ANKDD1B: variants seen among roughly 807,000 people sequenced by gnomAD.
ANKDD1B encodes the protein ankyrin repeat and death domain-containing protein 1B.
Under a neutral mutation model 59.7 loss-of-function variants are expected in ANKDD1B, and 57 were observed. That is an observed-to-expected ratio of 0.95 (90% CI 0.77 to 1.19). The LOEUF (loss-of-function observed/expected upper bound fraction) is 1.19. ANKDD1B is among the 50% of genes most tolerant of loss of function. The pLI is 0.00. For synonymous variants in ANKDD1B, 216 were observed against 239.5 expected (o/e 0.90, Z 0.91); for missense variants, 602 against 641.9 (o/e 0.94, Z 0.67).
chr5:75,669,853 G>A (rs1346925673), intron 13 of ANKDD1B, among the ~76,000 whole-genome samples: 1 of 152,164 alleles, frequency 6.6e-6, no homozygotes, highest in African/African-American at 2.4e-5. Flanking sequence ...TGCCACCTGA[G>A]GTTATTGCTA....
intron 7 of ANKDD1B, among the ~76,000 whole-genome samples, chr5:75,648,241 TTAAAG>T (rs1220564919): frequency 4.2e-5 from 2 of 47,836 alleles, no homozygotes; most frequent in Non-Finnish European, 9.1e-5. Context: ...ACCCTAAAAC[TTAAAG>T]TATAATTAAA....
chr5:75,663,679 C>T (rs1442417435), intron 11 of ANKDD1B, among the ~76,000 whole-genome samples, 190 bp downstream of exon 11: 1 of 152,238 alleles, frequency 6.6e-6, no homozygotes, highest in Non-Finnish European at 1.5e-5. Flanking sequence ...CCTTTGTGGA[C>T]ATCAGACGTC....
intron 1 of ANKDD1B, among the ~76,000 whole-genome samples, chr5:75,614,183 G>A (rs1773652986): frequency 6.6e-6 from 1 of 152,130 alleles, no homozygotes. Context: ...ACTCATAGCA[G>A]TAGCAGTAGC....
At position 75,671,219 on chromosome 5, in the gene ANKDD1B, T is replaced by A; in HGVS notation, c.*179T>A. ...TTTTCAACCACTAAAAAGTCAAATA[T>A]AGTTTTTTTTGCTGAGGGCAAGTTG... is the stretch of plus-strand genomic sequence containing the variant. On this transcript the variant is annotated 3_prime_UTR_variant, in exon 14 of 14. Transcript: ENST00000601380. 1 of 373,238 alleles carries A rather than the reference T, an allele frequency of 2.7e-6. No homozygotes were observed. Among genetic ancestry groups the A allele is most frequent in the Non-Finnish European group, 4.7e-6 (1 of 210,576 alleles). The allele number at this position is 373,238 out of a possible 1,614,324, so 23.1% of individuals were successfully genotyped here.
At chr5:75,618,526 G>A (rs79300858) in intron 2 of ANKDD1B, among the ~76,000 whole-genome samples, 2,767 of 152,246 alleles carry the variant, frequency 0.018, 39 homozygotes, top group Non-Finnish European at 0.027. Context: ...ACTGTTTACA[G>A]CAAATTGTTG....
intron 3 of ANKDD1B, among the ~76,000 whole-genome samples, 172 bp downstream of exon 3, chr5:75,620,585 G>C (rs1050530208): frequency 6.6e-6 from 1 of 152,108 alleles, no homozygotes; most frequent in Admixed American, 6.5e-5. Flanking sequence ...CTTTGAATTT[G>C]GGGACTAAAT....
intron 7 of ANKDD1B, among the ~76,000 whole-genome samples, chr5:75,648,187 G>A (rs1402002951): frequency 8.9e-6 from 1 of 111,820 alleles, no homozygotes; most frequent in African/African-American, 3.9e-5. Context: ...CACCAGCATG[G>A]CACATGTATA....
chr5:75,667,568 A>G (rs1215082735), intron 12 of ANKDD1B, among the ~76,000 whole-genome samples: 4 of 152,184 alleles, frequency 2.6e-5, no homozygotes, highest in Non-Finnish European at 4.4e-5. Context: ...AGATGATTCC[A>G]AGCAATGGAA....
chr5:75,647,361 G>A lies in ANKDD1B; in HGVS notation c.799-5781G>A, dbSNP rs1272105686. On this transcript the variant is annotated intron_variant, in intron 7 of 13. Coordinates refer to ENST00000601380, the MANE Select transcript of ANKDD1B (RefSeq NM_001276713.2). ...TTTCACAACCTACTCATCTGACAAA[G>A]GGCTAATATCCAGAATCTACAATGA... Among the ~76,000 whole-genome samples the A allele has an allele frequency of 9.7e-5, 12 of 123,704 alleles. No homozygotes were observed. In the East Asian group the frequency reaches 2.5e-3, roughly 26 times the overall value. The allele number at this position is 123,704 out of a possible 152,430, so 81.2% of individuals were successfully genotyped here.
intron 5 of ANKDD1B, among the ~76,000 whole-genome samples, chr5:75,631,163 G>C (rs1279019085): frequency 6.6e-6 from 1 of 152,166 alleles, no homozygotes; most frequent in Non-Finnish European, 1.5e-5. Flanking sequence ...GCTGTTACTA[G>C]AAGAAAGGTA....
chr5:75,615,611 G>A (rs1434850251), intron 1 of ANKDD1B, among the ~76,000 whole-genome samples: 1 of 151,618 alleles, frequency 6.6e-6, no homozygotes, highest in African/African-American at 2.4e-5. Context: ...ATTCTTCTTA[G>A]GCCTCTCTCC....
rs760643287 is a variant in ANKDD1B at position 75,634,951 on chromosome 5, A to T, written c.654A>T (p.Ile218=). The T allele has an allele frequency of 1.4e-5, 22 of 1,535,828 alleles. No homozygotes were observed. The South Asian group carries it at 2.6e-4, about 18-fold the overall frequency. Residue 218 remains isoleucine (I), a synonymous_variant, in exon 6 of 14, where the codon ATA becomes ATT. Coordinates refer to ENST00000601380, the MANE Select transcript of ANKDD1B (RefSeq NM_001276713.2). The part of the protein sequence containing the change: ...LAAERGHVEM[I]EKLTFLNLHT... ...CTGAGAGGGGCCATGTTGAAATGATAGAAAAACTTACCTTCCTAAACCTGC... is the reference window on the plus strand; with the variant it reads ...CTGAGAGGGGCCATGTTGAAATGATTGAAAAACTTACCTTCCTAAACCTGC...
At chr5:75,642,488 A>C (rs1159097589) in intron 7 of ANKDD1B, among the ~76,000 whole-genome samples, 102 of 138,018 alleles carry the variant, frequency 7.4e-4, no homozygotes, top group African/African-American at 2.7e-3. Flanking sequence ...GGGGTGACGG[A>C]CGCACCTGGA....
At chr5:75,620,438 G>T (rs1773818016) in intron 3 of ANKDD1B, 25 bp downstream of exon 3, 2 of 1,317,884 alleles carry the variant, frequency 1.5e-6, no homozygotes, top group Non-Finnish European at 2.1e-6. Flanking sequence ...AGTAGAACAA[G>T]TTGGAGCATA....
At chr5:75,634,334 T>C (rs1774242104) in intron 5 of ANKDD1B, among the ~76,000 whole-genome samples, 1 of 152,224 alleles carries the variant, frequency 6.6e-6, no homozygotes, top group Non-Finnish European at 1.5e-5. Flanking sequence ...TGATTCCATT[T>C]TGTATTGACC....
chr5:75,669,145 A>C, intron 12 of ANKDD1B, 107 bp from the exon 13 acceptor site: 1 of 1,121,140 alleles, frequency 8.9e-7, no homozygotes, highest in South Asian at 4.6e-5. Flanking sequence ...TCGAAGAGGA[A>C]CAGGCAAGCA....
At chr5:75,626,563 G>T (rs959138554) in intron 5 of ANKDD1B, among the ~76,000 whole-genome samples, 2 of 152,096 alleles carry the variant, frequency 1.3e-5, no homozygotes, top group African/African-American at 4.8e-5. Context: ...ATCCTATAAG[G>T]TAGAAAATAT....
intron 7 of ANKDD1B, among the ~76,000 whole-genome samples, chr5:75,639,095 T>A (rs1774391954): frequency 6.6e-6 from 1 of 152,254 alleles, no homozygotes; most frequent in African/African-American, 2.4e-5. Flanking sequence ...CTTTACACTT[T>A]ATTTTAATAA....
At chr5:75,627,182 T>C (rs1774016658) in intron 5 of ANKDD1B, among the ~76,000 whole-genome samples, 1 of 152,200 alleles carries the variant, frequency 6.6e-6, no homozygotes, top group African/African-American at 2.4e-5. Context: ...TTAAGCAAGC[T>C]CTTCAATTTC....
Sources: allele counts gnomAD v4.1 joint callset (sites outside exome capture counted in the v4.1 genomes callset), GRCh38; gene constraint gnomAD v4.1.1; transcripts MANE v1.5; gene names NCBI Gene and HGNC (gene_info 2026-07-23, HGNC 2026-07-21).